The following NOX3 variants were observed in gnomAD, a reference collection of about 807,000 sequenced individuals.
The protein encoded by NOX3 is NADPH oxidase 3.
A neutral mutation model predicts 76.7 loss-of-function variants in NOX3; 74 were observed. That is an observed-to-expected ratio of 0.96 (90% CI 0.80 to 1.17). The LOEUF is 1.17. Among genes scored for constraint, NOX3 ranks in the 50% most tolerant of loss-of-function variants. NOX3 has a pLI of 0.00. For missense variants in NOX3, 695 were observed against 703.3 expected, an observed-to-expected ratio of 0.99 and a Z score of 0.13; for synonymous variants, 263 against 261.1, an observed-to-expected ratio of 1.01 and a Z score of -0.07.
chr6:155,423,057 G>T (rs1776711507), intron 9 of NOX3, among the ~76,000 whole-genome samples: 1 of 152,186 alleles, frequency 6.6e-6, no homozygotes, highest in South Asian at 2.1e-4. Context: ...AGACAACGAG[G>T]TTGTCCTGGC....
chr6:155,440,259 C>T (rs536361413), intron 5 of NOX3, 122 bp from the exon 6 acceptor site: 6 of 751,314 alleles, frequency 8.0e-6, no homozygotes, highest in African/African-American at 1.8e-5. Flanking sequence ...AAGCAGGGAG[C>T]CGTTCACAAT....
chr6:155,420,128 GAT>G (rs1173033227), intron 10 of NOX3, among the ~76,000 whole-genome samples: 1 of 152,162 alleles, frequency 6.6e-6, no homozygotes, highest in Non-Finnish European at 1.5e-5. Flanking sequence ...ATACAGGAAA[GAT>G]ATGTGACATA....
chr6:155,439,872 G>T, intron 6 of NOX3, 84 bp downstream of exon 6: 1 of 1,285,750 alleles, frequency 7.8e-7, no homozygotes. Flanking sequence ...CCGCACGCCG[G>T]CTCCTTCATC....
At chr6:155,435,678 A>G (rs1776894953) in intron 7 of NOX3, among the ~76,000 whole-genome samples, 1 of 152,084 alleles carries the variant, frequency 6.6e-6, no homozygotes, top group African/African-American at 2.4e-5. Flanking sequence ...TTTATCTGCC[A>G]GATGCATTTA....
chr6:155,422,010 A>G (rs892195445), intron 10 of NOX3, among the ~76,000 whole-genome samples: 2 of 152,186 alleles, frequency 1.3e-5, no homozygotes, highest in Non-Finnish European at 2.9e-5. Context: ...CAGAGAAGAT[A>G]TGCAGGACGG....
At chr6:155,437,012 G>A (rs183276996) in intron 6 of NOX3, among the ~76,000 whole-genome samples, 8 of 152,252 alleles carry the variant, frequency 5.3e-5, no homozygotes, top group South Asian at 2.1e-4. Flanking sequence ...TCAAAATACC[G>A]GAAGAATGGT....
Position 155,402,851 on chromosome 6 carries a change from T to C in NOX3, c.1580+4279A>G, listed in dbSNP as rs1410988523. Among the ~76,000 whole-genome samples the C allele has an allele frequency of 3.3e-5, 5 of 152,300 alleles. No homozygotes were observed. The East Asian group carries it at 9.6e-4, about 29-fold the overall frequency. On this transcript the variant is annotated intron_variant, in intron 12 of 13. Transcript: ENST00000159060. The stretch of plus-strand genomic sequence containing the variant: ...GGTTGAGAGCCTACTTCAAAGGCCC[T>C]CAAGAACAAAGAACCTTTTCTGAGG...
chr6:155,409,744 G>T (rs1002065259), intron 11 of NOX3, among the ~76,000 whole-genome samples: 28 of 152,212 alleles, frequency 1.8e-4, no homozygotes, highest in African/African-American at 6.0e-4. Context: ...CTGAAATTTA[G>T]GAGTCGAAAT....
chr6:155,411,241 T>C lies in NOX3; in HGVS notation c.1428A>G (p.Ile476Met). 6.2e-7 allele frequency: 1 copy of C among 1,613,988 alleles called. No individual in the cohort carries two copies. Among genetic ancestry groups the C allele is most frequent in the Non-Finnish European group, 8.5e-7 (1 of 1,179,932 alleles). The change falls in exon 11 of 14, where the codon ATA (isoleucine) becomes ATG (methionine). Residue 476 changes from isoleucine (I) to methionine (M), a missense_variant. By Grantham distance (10) the Ile-to-Met change is conservative. Transcript: ENST00000159060. ...GATTTTCATCCCAGCCGGTAAGAAA[T>C]ATATGATAACTCAGAAAGTGAGTTT... is the stretch of plus-strand genomic sequence containing the variant. ...QGKTHFLSYH[I>M]FLTGWDENQA...
At chr6:155,433,759 G>A (rs1288162687) in intron 7 of NOX3, among the ~76,000 whole-genome samples, 1 of 152,164 alleles carries the variant, frequency 6.6e-6, no homozygotes, top group Non-Finnish European at 1.5e-5. Context: ...GGTTCTTTAA[G>A]GTGGCTTTAC....
intron 3 of NOX3, among the ~76,000 whole-genome samples, chr6:155,453,987 G>T (rs1213361643): frequency 6.6e-6 from 1 of 152,052 alleles, no homozygotes; most frequent in Non-Finnish European, 1.5e-5. Flanking sequence ...CAAAAGTTTT[G>T]ATTTCCCAGT....
At chr6:155,402,847 G>A (rs1779249560) in intron 12 of NOX3, among the ~76,000 whole-genome samples, 1 of 152,116 alleles carries the variant, frequency 6.6e-6, no homozygotes, top group Non-Finnish European at 1.5e-5. Context: ...TACTTCAAAG[G>A]CCCTCAAGAA....
At chr6:155,425,334 G>A (rs549026269) in intron 9 of NOX3, among the ~76,000 whole-genome samples, 24 of 152,152 alleles carry the variant, frequency 1.6e-4, no homozygotes, top group Admixed American at 3.3e-4. Context: ...ACAAATTCTT[G>A]TTTATCACGT....
intron 5 of NOX3, among the ~76,000 whole-genome samples, chr6:155,440,547 G>A (rs1776970715): frequency 6.6e-6 from 1 of 151,942 alleles, no homozygotes; most frequent in South Asian, 2.1e-4. Context: ...AGGCTGAGGT[G>A]GGAGGATCAC....
rs1562459349 is a variant in NOX3 at position 155,409,884 on chromosome 6, G to A, written c.1455+1330C>T. On this transcript the variant is annotated intron_variant, in intron 11 of 13. Coordinates refer to ENST00000159060, the MANE Select transcript of NOX3 (RefSeq NM_015718.3). ...CGGGAGGGGGCAGGATTGTGTTGTC[G>A]CCAAATCAACTTCAGTTCTCAGTTA... 3.3e-5 allele frequency among the ~76,000 whole-genome samples: 5 copies of A among 152,054 alleles called. No individual in the cohort carries two copies. In the South Asian group the frequency reaches 6.2e-4, roughly 19 times the overall value.
At chr6:155,453,912 G>A (rs1321470264) in intron 3 of NOX3, among the ~76,000 whole-genome samples, 1 of 152,050 alleles carries the variant, frequency 6.6e-6, no homozygotes, top group African/African-American at 2.4e-5. Flanking sequence ...GCATACCTCG[G>A]AGATATTGTG....
At chr6:155,403,312 G>T (rs948847878) in intron 12 of NOX3, among the ~76,000 whole-genome samples, 1 of 152,140 alleles carries the variant, frequency 6.6e-6, no homozygotes, top group Non-Finnish European at 1.5e-5. Context: ...GCTTTTGACC[G>T]AAGGCTTGTC....
At position 155,396,834 on chromosome 6, in the gene NOX3, G is replaced by T; in HGVS notation, c.*2C>A. 4 of 1,606,884 alleles carry T rather than the reference G, an allele frequency of 2.5e-6. No individual in the cohort carries two copies. Among genetic ancestry groups the T allele is most frequent in the Non-Finnish European group, 3.4e-6 (4 of 1,175,816 alleles). Reference sequence around the variant, plus strand: ...ACAATGCCTGGACTTGACCTCCAAAGTCTAGAAGCTCTCCTTGTTGTAATA... The same window carrying T: ...ACAATGCCTGGACTTGACCTCCAAATTCTAGAAGCTCTCCTTGTTGTAATA... On this transcript the variant is annotated 3_prime_UTR_variant, in exon 13 of 14. Coordinates refer to ENST00000159060, the MANE Select transcript of NOX3 (RefSeq NM_015718.3).
chr6:155,399,876 C>T (rs1240883349), intron 12 of NOX3, among the ~76,000 whole-genome samples: 1 of 152,112 alleles, frequency 6.6e-6, no homozygotes, highest in African/African-American at 2.4e-5. Flanking sequence ...TATAAAAACG[C>T]AAGGTGCTAT....
Sources: allele counts gnomAD v4.1 joint callset (sites outside exome capture counted in the v4.1 genomes callset), GRCh38; gene constraint gnomAD v4.1.1; transcripts MANE v1.5; gene names NCBI Gene and HGNC (gene_info 2026-07-23, HGNC 2026-07-21).